The following CD163 variants were observed in gnomAD, a reference collection of about 807,000 sequenced individuals.
CD163 encodes the protein CD163 molecule.
In CD163, 64 loss-of-function variants were observed where a neutral mutation model predicts 129.2. The ratio of observed to expected loss-of-function variants is 0.50; its 90% CI spans 0.41 to 0.61. The LOEUF (loss-of-function observed/expected upper bound fraction) is 0.61. Among genes scored for constraint, CD163 ranks in the 20% least tolerant of loss-of-function variants. CD163 has a pLI of 0.00. For missense variants in CD163, 1,061 were observed against 1,377.9 expected (o/e 0.77, Z 3.64); for synonymous variants, 446 against 478.5 (o/e 0.93, Z 0.89).
At chr12:7,472,629 TAAATGCTGA>T (rs1169119552) in intron 16 of CD163, among the ~76,000 whole-genome samples, 3 of 152,184 alleles carry the variant, frequency 2.0e-5, no homozygotes, top group Non-Finnish European at 4.4e-5. Context: ...AACAAGTGCA[TAAATGCTGA>T]AAATTCCAAA....
At chr12:7,488,293 G>A (rs1218642975) in intron 6 of CD163, among the ~76,000 whole-genome samples, 2 of 152,110 alleles carry the variant, frequency 1.3e-5, no homozygotes, top group Non-Finnish European at 2.9e-5. Flanking sequence ...ATCCATCTGA[G>A]AGAATTCTGG....
rs1408534514 is a variant in CD163 at position 7,496,423 on chromosome 12, C to T, written c.1099+390G>A. Among the ~76,000 whole-genome samples the T allele has an allele frequency of 5.3e-5, 8 of 152,048 alleles. No homozygotes were observed. The East Asian group carries it at 1.5e-3, about 29-fold the overall frequency. Reference sequence around the variant, plus strand: ...ACAGGTTGATACGTGAAGCAGACCACCATGGAACATGTTTACCCATGTAAC... The same window carrying T: ...ACAGGTTGATACGTGAAGCAGACCATCATGGAACATGTTTACCCATGTAAC... On this transcript the variant is annotated intron_variant, in intron 5 of 16. Coordinates refer to ENST00000432237, the MANE Select transcript of CD163 (RefSeq NM_203416.4). The surrounding 1 kb of genome is among the most constrained non-coding windows in gnomAD (Gnocchi z 4.8).
Position 7,481,147 on chromosome 12 carries a change from A to G in CD163, c.3343+14T>C. 6.2e-7 allele frequency: 1 copy of G among 1,613,434 alleles called. No homozygotes were observed. The highest frequency in any genetic ancestry group is 1.1e-5 in the South Asian group (1 of 90,998). Reference sequence around the variant, plus strand: ...TGAACCCCTGGGCAATAGACCCTCCAAGAACCCACAGACCTGAGGAATTCA... The same window carrying G: ...TGAACCCCTGGGCAATAGACCCTCCGAGAACCCACAGACCTGAGGAATTCA... On this transcript the variant is annotated intron_variant, in intron 15 of 16. Transcript: ENST00000432237.
intron 5 of CD163, 25 bp from the exon 6 acceptor site, chr12:7,495,426 C>G: frequency 6.2e-7 from 1 of 1,605,516 alleles, no homozygotes; most frequent in Non-Finnish European, 8.5e-7. Flanking sequence ...TAAACTTAAA[C>G]CATCGATACA....
At chr12:7,482,890 G>A in intron 13 of CD163, 76 bp downstream of exon 13, 1 of 1,588,428 alleles carries the variant, frequency 6.3e-7, no homozygotes, top group Non-Finnish European at 8.6e-7. Flanking sequence ...CAGAACGTCT[G>A]ACCTAAAATT....
intron 11 of CD163, among the ~76,000 whole-genome samples, chr12:7,484,475 A>G (rs1032346838): frequency 6.6e-6 from 1 of 151,966 alleles, no homozygotes; most frequent in African/African-American, 2.4e-5. Context: ...CCCCATCTCA[A>G]CTAAAAATAC....
chr12:7,488,420 C>T (rs999928912), intron 6 of CD163, among the ~76,000 whole-genome samples: 5 of 152,166 alleles, frequency 3.3e-5, no homozygotes, highest in Non-Finnish European at 5.9e-5. Flanking sequence ...TATCTACTAT[C>T]GCTATCTCTT....
Position 7,487,127 on chromosome 12 carries a change from G to C in CD163, c.2051-141C>G. 1.2e-6 allele frequency: 1 copy of C among 812,734 alleles called. No individual in the cohort carries two copies. Among genetic ancestry groups the C allele is most frequent in the Non-Finnish European group, 1.9e-6 (1 of 516,696 alleles). 50.3% of individuals were successfully genotyped at this position (812,734 alleles called of 1,614,324 possible). On this transcript the variant is annotated intron_variant, in intron 8 of 16. Coordinates refer to ENST00000432237, the MANE Select transcript of CD163 (RefSeq NM_203416.4). This position sits in a 1 kb window ranked among gnomAD's most constrained non-coding sequence, Gnocchi z 5.1. Reference sequence around the variant, plus strand: ...TGGTCAACAAGTTTGAAATAAATCAGGTGCTTTGAGATGGGCTTGGCACAT... The same window carrying C: ...TGGTCAACAAGTTTGAAATAAATCACGTGCTTTGAGATGGGCTTGGCACAT...
intron 15 of CD163, chr12:7,480,756 A>G: frequency 1.9e-6 from 1 of 523,902 alleles, no homozygotes. Context: ...TTGCTTTAGT[A>G]AGCTTTTTAC....
intron 6 of CD163, among the ~76,000 whole-genome samples, chr12:7,492,907 A>T (rs1259239731): frequency 6.6e-6 from 1 of 152,216 alleles, no homozygotes; most frequent in Non-Finnish European, 1.5e-5. Context: ...CAAAGACGGA[A>T]TTTAGGTCTT....
Position 7,485,290 on chromosome 12 carries a change from A to G in CD163, c.2585T>C (p.Val862Ala). The part of the protein sequence containing the change: ...KSSMSETTVG[V>A]VCRQLGCADK... ...TGCACAGCCCAGCTGCCTGCACACCACACCCACAGTGGTTTCAGACATGCT... is the reference window on the plus strand; with the variant it reads ...TGCACAGCCCAGCTGCCTGCACACCGCACCCACAGTGGTTTCAGACATGCT... Residue 862 changes from valine (V) to alanine (A), a missense_variant, in exon 11 of 17, where the codon GTG (valine) becomes GCG (alanine). Coordinates refer to ENST00000432237, the MANE Select transcript of CD163 (RefSeq NM_203416.4). This position sits in a 1 kb window ranked among gnomAD's most constrained non-coding sequence, Gnocchi z 4.5. The G allele has an allele frequency of 6.2e-7, 1 of 1,614,192 alleles. No homozygotes were observed. The highest frequency in any genetic ancestry group is 1.7e-5 in the Admixed American group (1 of 60,032).
intron 12 of CD163, 55 bp downstream of exon 12, chr12:7,483,312 C>T (rs1949189531): frequency 6.5e-7 from 1 of 1,536,200 alleles, no homozygotes; most frequent in Non-Finnish European, 8.9e-7. Flanking sequence ...CATCACTGCC[C>T]AACCCCTCTT....
In CD163 at chr12:7,486,763, C is replaced by T. The variant is rs1949255628; in HGVS notation, c.2194G>A (p.Val732Ile). The T allele has an allele frequency of 1.9e-6, 3 of 1,613,840 alleles. No individual in the cohort carries two copies. The highest frequency in any genetic ancestry group is 2.7e-5 in the African/African-American group (2 of 74,934). Residue 732 changes from valine (V) to isoleucine (I), a missense_variant, in exon 10 of 17, where the codon GTA becomes ATA. By Grantham distance (29) the Val-to-Ile change is conservative. Transcript: ENST00000432237. ...CAGGAGCCCTCATGATAGATCTCTACTCTCCCAGCACAGCGACCTCCTCCA... is the reference window on the plus strand; with the variant it reads ...CAGGAGCCCTCATGATAGATCTCTATTCTCCCAGCACAGCGACCTCCTCCA... ...VNGGGRCAGR[V>I]EIYHEGSWGT...
chr12:7,489,738 A>G (rs2136714947), intron 6 of CD163, among the ~76,000 whole-genome samples: 1 of 152,178 alleles, frequency 6.6e-6, no homozygotes, highest in South Asian at 2.1e-4. Context: ...TTTTCTTCTG[A>G]GCAAACTGCA....
chr12:7,471,945 G>A (rs990932644), intron 16 of CD163: 1 of 152,238 alleles, frequency 6.6e-6, no homozygotes, highest in Admixed American at 6.5e-5. Context: ...TTGAGTAGAC[G>A]GTTTTCCCGT....
intron 16 of CD163, among the ~76,000 whole-genome samples, 196 bp downstream of exon 16, chr12:7,479,664 T>A (rs1460207258): frequency 6.6e-6 from 1 of 152,212 alleles, no homozygotes; most frequent in Non-Finnish European, 1.5e-5. Context: ...TTTGTGTGTA[T>A]AATTAAGAGA....
intron 6 of CD163, among the ~76,000 whole-genome samples, chr12:7,489,673 G>A (rs1949301969): frequency 6.6e-6 from 1 of 151,984 alleles, no homozygotes; most frequent in Non-Finnish European, 1.5e-5. Context: ...TAGCTAACAT[G>A]TATTTATAGC....
At position 7,487,758 on chromosome 12, in the gene CD163, T is replaced by A. The variant is rs1445735668; in HGVS notation, c.1735+15A>T. 2 of 1,613,916 alleles carry A rather than the reference T, an allele frequency of 1.2e-6. No homozygotes were observed. On this transcript the variant is annotated intron_variant, in intron 7 of 16. Coordinates refer to ENST00000432237, the MANE Select transcript of CD163 (RefSeq NM_203416.4). This position sits in a 1 kb window ranked among gnomAD's most constrained non-coding sequence, Gnocchi z 5.1. Reference sequence around the variant, plus strand: ...ACAGTATGAGAACCAATTAAAGATGTTTTCTGGGTCTTACTTGAGCAGACT... The same window carrying A: ...ACAGTATGAGAACCAATTAAAGATGATTTCTGGGTCTTACTTGAGCAGACT...
chr12:7,477,020 A>C (rs1565832359), intron 16 of CD163, among the ~76,000 whole-genome samples: 1 of 152,238 alleles, frequency 6.6e-6, no homozygotes, highest in Non-Finnish European at 1.5e-5. Context: ...GAGAAATGCA[A>C]ATCAAAACCA....
Sources: allele counts gnomAD v4.1 joint callset (sites outside exome capture counted in the v4.1 genomes callset), GRCh38; gene constraint gnomAD v4.1.1; non-coding constraint Gnocchi (gnomAD v3.1); transcripts MANE v1.5; gene names NCBI Gene and HGNC (gene_info 2026-07-23, HGNC 2026-07-21).